The following DMD variants were observed in gnomAD, a reference collection of about 807,000 sequenced individuals.
DMD encodes dystrophin.
A neutral mutation model predicts 330.1 loss-of-function variants in DMD; 63 were observed. The observed-to-expected ratio is 0.19, with a 90% confidence interval of 0.16 to 0.24. DMD has a LOEUF of 0.24. DMD is among the 10% of genes least tolerant of loss of function. The probability of loss-of-function intolerance (pLI) is 1.00; values close to 1 mark genes in which losing one functional copy is unlikely to be tolerated. For synonymous variants in DMD, 1,223 were observed against 959.8 expected (o/e 1.27, Z -5.07); for missense variants, 3,344 against 2,684.1 (o/e 1.25, Z -5.43).
intron 44 of DMD, among the ~76,000 whole-genome samples, chrX:32,156,662 ACACACGCACG>A (rs1424857261): frequency 9.1e-6 from 1 of 109,373 alleles, no homozygotes; most frequent in Non-Finnish European, 1.9e-5. Context: ...ACACACACAC[ACACACGCACG>A]CAATTATTAA....
At chrX:33,052,874 C>CTGA (rs3083125) in intron 1 of DMD, among the ~76,000 whole-genome samples, 51,829 of 109,332 alleles carry the variant, frequency 0.47, 10,137 homozygotes, top group Non-Finnish European at 0.61. Context: ...CCCATTTATT[C>CTGA]TGATGTGATA....
At chrX:32,974,306 T>C (rs1485977549) in intron 2 of DMD, among the ~76,000 whole-genome samples, 1 of 109,881 alleles carries the variant, frequency 9.1e-6, no homozygotes, top group Non-Finnish European at 1.9e-5. Context: ...GAATGGGGAG[T>C]GACTGCTAAT....
At chrX:31,405,621 G>A (rs1462708402) in intron 60 of DMD, among the ~76,000 whole-genome samples, 1 of 111,497 alleles carries the variant, frequency 9.0e-6, no homozygotes, top group African/African-American at 3.3e-5. Flanking sequence ...TAGAAAGTAG[G>A]AAAAAATCTA....
chrX:33,034,930 G>A (rs2094179613), intron 1 of DMD, among the ~76,000 whole-genome samples: 1 of 111,781 alleles, frequency 8.9e-6, no homozygotes, highest in Admixed American at 9.5e-5. Flanking sequence ...CCCCAAATGA[G>A]TAATCAACAT....
chrX:31,553,631 G>A (rs772426684), intron 55 of DMD, among the ~76,000 whole-genome samples: 1 of 112,384 alleles, frequency 8.9e-6, no homozygotes, highest in African/African-American at 3.2e-5. Context: ...AAGCACTTCA[G>A]TGTGTTAACA....
chrX:31,508,392 A>G lies in DMD; in HGVS notation c.8218-939T>C, dbSNP rs748050696. 17 of 542,017 alleles carry G rather than the reference A, an allele frequency of 3.1e-5. No homozygotes were observed. The African/African-American group carries it at 4.0e-4, about 13-fold the overall frequency. 44.7% of individuals were successfully genotyped at this position (542,017 alleles called of 1,213,427 possible). A position where few individuals can be genotyped will look rare whatever the true frequency, so the allele number is the denominator to read the frequency against. ...AGCACAGGCCTCACCAGTCAATAAT[A>G]ATAAACGGCCACTTTGTACTCCGCA... On this transcript the variant is annotated intron_variant, in intron 55 of 78. Transcript: ENST00000357033.
chrX:32,990,797 C>G (rs2092953433), intron 2 of DMD, among the ~76,000 whole-genome samples: 2 of 111,104 alleles, frequency 1.8e-5, no homozygotes, highest in Non-Finnish European at 3.8e-5. Flanking sequence ...GAAAGCGTAC[C>G]AAAAAGTATT....
At chrX:31,359,137 G>A (rs1410637821) in intron 60 of DMD, among the ~76,000 whole-genome samples, 3 of 112,190 alleles carry the variant, frequency 2.7e-5, no homozygotes, top group African/African-American at 9.7e-5. Context: ...AAAACAAGGG[G>A]ATGGTCTTTA....
intron 61 of DMD, among the ~76,000 whole-genome samples, chrX:31,331,435 GA>G (rs1214427687): frequency 1.2e-4 from 12 of 96,264 alleles, no homozygotes; most frequent in South Asian, 4.5e-4. Context: ...CATTACTCAT[GA>G]AAAAAAAAAA....
At chrX:32,343,560 C>T (rs1014915795) in intron 39 of DMD, among the ~76,000 whole-genome samples, 7 of 111,706 alleles carry the variant, frequency 6.3e-5, no homozygotes, top group African/African-American at 2.3e-4. Context: ...ATTCAATTGA[C>T]TCTTAATGAG....
chrX:32,735,274 A>G (rs1408829436), intron 7 of DMD, among the ~76,000 whole-genome samples: 1 of 110,397 alleles, frequency 9.1e-6, no homozygotes, highest in Admixed American at 9.6e-5. Context: ...GAGGATACAA[A>G]CAAATGGAAG....
At chrX:32,728,775 C>G (rs1444509212) in intron 7 of DMD, among the ~76,000 whole-genome samples, 1 of 111,861 alleles carries the variant, frequency 8.9e-6, no homozygotes, top group African/African-American at 3.2e-5. Flanking sequence ...GTGAGAACTT[C>G]CTGTTGGATT....
intron 50 of DMD, among the ~76,000 whole-genome samples, chrX:31,796,295 T>G (rs774516565): frequency 8.9e-6 from 1 of 112,259 alleles, no homozygotes; most frequent in East Asian, 2.8e-4. Flanking sequence ...AATTTCAAGC[T>G]TATTTGTCTT....
intron 15 of DMD, among the ~76,000 whole-genome samples, chrX:32,572,997 G>A (rs1252382539): frequency 9.0e-6 from 1 of 111,319 alleles, no homozygotes; most frequent in Non-Finnish European, 1.9e-5. Context: ...ATGATTGTAA[G>A]CTTCCTGAGG....
At chrX:32,028,961 G>A (rs2095865372) in intron 44 of DMD, among the ~76,000 whole-genome samples, 1 of 111,546 alleles carries the variant, frequency 9.0e-6, no homozygotes, top group Non-Finnish European at 1.9e-5. Flanking sequence ...AGCTAAAATT[G>A]TGTAAATCAT....
At chrX:31,585,650 G>A (rs1017358867) in intron 55 of DMD, among the ~76,000 whole-genome samples, 19 of 110,267 alleles carry the variant, frequency 1.7e-4, no homozygotes, top group African/African-American at 6.3e-4. Flanking sequence ...AGAAGCTTCT[G>A]GCAAAAATAA....
chrX:31,657,960 C>A, intron 54 of DMD, 30 bp downstream of exon 54: 1 of 1,189,574 alleles, frequency 8.4e-7, no homozygotes, highest in Non-Finnish European at 1.1e-6. Flanking sequence ...TTACAGCCAA[C>A]AGTAGTTTTA....
At chrX:32,022,450 C>T (rs2095812664) in intron 44 of DMD, among the ~76,000 whole-genome samples, 1 of 112,296 alleles carries the variant, frequency 8.9e-6, no homozygotes, top group Admixed American at 9.4e-5. Flanking sequence ...GCATTGAATA[C>T]TTCATCTGAA....
chrX:32,984,156 A>C (rs1291005796), intron 2 of DMD, among the ~76,000 whole-genome samples: 1 of 112,310 alleles, frequency 8.9e-6, no homozygotes, highest in Non-Finnish European at 1.9e-5. Flanking sequence ...TGTGTTTATA[A>C]GAGAGGTGAG....
Sources: gnomAD v4.1 joint callset for allele counts (sites outside exome capture counted in the v4.1 genomes callset) on GRCh38, gnomAD v4.1.1 for gene constraint, MANE v1.5 for transcripts, NCBI Gene and HGNC (gene_info 2026-07-23, HGNC 2026-07-21) for gene names.